CHD5: variants seen among roughly 807,000 people sequenced by gnomAD.
CHD5 encodes the protein chromodomain helicase DNA binding protein 5.
In CHD5, 69 loss-of-function variants were observed where a neutral mutation model predicts 230.3. The ratio of observed to expected loss-of-function variants is 0.30; its 90% CI spans 0.25 to 0.37. The LOEUF (loss-of-function observed/expected upper bound fraction) is 0.37, where lower values mean the gene tolerates loss of function less well. Ranked by LOEUF, CHD5 falls within the 10% of genes least tolerant of loss-of-function variation. The pLI, the probability that CHD5 is intolerant of heterozygous loss-of-function variation, is 1.00. For missense variants in CHD5, 1,827 were observed against 2,622.8 expected, an observed-to-expected ratio of 0.70 and a Z score of 6.63; for synonymous variants, 1,064 against 1,065.9, an observed-to-expected ratio of 1.00 and a Z score of 0.03.
chr1:6,124,450 C>T, intron 30 of CHD5, 67 bp downstream of exon 30: 1 of 1,570,112 alleles, frequency 6.4e-7, no homozygotes, highest in Non-Finnish European at 8.8e-7. Context: ...ACCACTGACC[C>T]ACAAGGGACA....
At chr1:6,157,911 G>A (rs1427904817) in intron 3 of CHD5, among the ~76,000 whole-genome samples, 1 of 152,124 alleles carries the variant, frequency 6.6e-6, no homozygotes, top group African/African-American at 2.4e-5. Context: ...ATCACCCCAG[G>A]TGTCAGGACA....
intron 1 of CHD5, among the ~76,000 whole-genome samples, 170 bp from the exon 2 acceptor site, chr1:6,168,447 G>A (rs1217126889): frequency 6.6e-6 from 1 of 152,196 alleles, no homozygotes; most frequent in Non-Finnish European, 1.5e-5. Context: ...CAGGACAGGA[G>A]CCCCAGCTCT....
chr1:6,129,234 T>G lies in CHD5; in HGVS notation c.3388-165A>C, dbSNP rs1008902178. Among the ~76,000 whole-genome samples the G allele has an allele frequency of 3.9e-5, 6 of 152,090 alleles. No individual in the cohort carries two copies. The highest frequency in any genetic ancestry group is 7.4e-5 in the Non-Finnish European group (5 of 67,978). On this transcript the variant is annotated intron_variant, in intron 22 of 41. Transcript: ENST00000262450. This position sits in a 1 kb window ranked among gnomAD's most constrained non-coding sequence, Gnocchi z 6.8. ...AGCCCACCACTGCAGCTGGGCTCCCTCCCTGACTGCGGAGCCTCCCACAAG... is the reference window on the plus strand; with the variant it reads ...AGCCCACCACTGCAGCTGGGCTCCCGCCCTGACTGCGGAGCCTCCCACAAG...
At position 6,140,706 on chromosome 1, in the gene CHD5, C is replaced by T. The variant is rs558205194; in HGVS notation, c.2436+1422G>A. On this transcript the variant is annotated intron_variant, in intron 15 of 41. Coordinates refer to ENST00000262450, the MANE Select transcript of CHD5 (RefSeq NM_015557.3). ...CTTTTGGAAATAGGGTCTTTGCAGA[C>T]ATAATTAGTTGTCTGGGCATGGTGG... 2.0e-5 allele frequency among the ~76,000 whole-genome samples: 3 copies of T among 152,256 alleles called. No individual in the cohort carries two copies. The East Asian group carries it at 5.8e-4, about 29-fold the overall frequency.
chr1:6,125,233 C>A lies in CHD5; in HGVS notation c.4261G>T (p.Val1421Leu). 1 of 1,601,442 alleles carries A rather than the reference C, an allele frequency of 6.2e-7. No homozygotes were observed. ...LLARVGGNIE[V>L]LGFNARQRKA... The stretch of plus-strand genomic sequence containing the variant: ...CGCTGTCGGGCATTGAAGCCCAGCA[C>A]CTGGGCGAGTGGAGCGTGGGAGTAT... The change falls in exon 29 of 42, where the codon GTG becomes TTG. Residue 1421 changes from valine (V) to leucine (L), a missense_variant and splice_region_variant. Val to Leu is a conservative substitution (Grantham distance 32). Around this residue, in one of 14 missense-constraint regions of CHD5, gnomAD observed 137 missense variants for 272.7 expected, o/e 0.50. Transcript: ENST00000262450. The surrounding 1 kb of genome is among the most constrained non-coding windows in gnomAD (Gnocchi z 6.7).
chr1:6,159,606 G>A lies in CHD5; in HGVS notation c.208-91C>T. 5.8e-6 allele frequency: 6 copies of A among 1,040,510 alleles called. No individual in the cohort carries two copies. In the South Asian group the frequency reaches 5.9e-5, roughly 10 times the overall value. 64.5% of individuals were successfully genotyped at this position (1,040,510 alleles called of 1,614,324 possible). On this transcript the variant is annotated intron_variant, in intron 2 of 41. Coordinates refer to ENST00000262450, the MANE Select transcript of CHD5 (RefSeq NM_015557.3). The stretch of plus-strand genomic sequence containing the variant: ...GGACGGCCCTGAGAGCTACCTCCTG[G>A]CCCACGCTGGGGATCGACCGATCCC...
At chr1:6,165,579 G>C (rs1461544109) in intron 2 of CHD5, among the ~76,000 whole-genome samples, 1 of 152,076 alleles carries the variant, frequency 6.6e-6, no homozygotes, top group African/African-American at 2.4e-5. Context: ...GGTCTGAGGA[G>C]TGAGGGCGGG....
chr1:6,113,903 A>G (rs1666334530), intron 33 of CHD5, among the ~76,000 whole-genome samples: 1 of 152,176 alleles, frequency 6.6e-6, no homozygotes, highest in Non-Finnish European at 1.5e-5. Flanking sequence ...TCCAGAAACA[A>G]AAGGGGAGGG....
rs547533112 is a variant in CHD5, at chr1:6,113,333, A to T, written c.4913-335T>A. 5.3e-4 allele frequency: 235 copies of T among 445,510 alleles called. 1 individual carries two copies. Among genetic ancestry groups the T allele is most frequent in the Non-Finnish European group, 6.9e-4 (154 of 224,342 alleles). The allele number at this position is 445,510 out of a possible 1,614,324, so 27.6% of individuals were successfully genotyped here. On this transcript the variant is annotated intron_variant, in intron 33 of 41. Coordinates refer to ENST00000262450, the MANE Select transcript of CHD5 (RefSeq NM_015557.3). ...CACCTGTTCAGGAAGCTGAGGTGGG[A>T]GGGTCGCTTGAGCCGAGGAGATAAA...
rs1437416058 is a variant in CHD5 at position 6,106,458 on chromosome 1, G to A, written c.5794C>T (p.Arg1932Trp). The change falls in exon 40 of 42, where the codon CGG (arginine) becomes TGG (tryptophan). Residue 1932 changes from arginine (R) to tryptophan (W), a missense_variant. By Grantham distance (101) the Arg-to-Trp change is moderately radical (BLOSUM62 -3). Coordinates refer to ENST00000262450, the MANE Select transcript of CHD5 (RefSeq NM_015557.3). ...ACAATCCCTCCCGGTCCAGGGCCCC[G>A]GAAGTTGGGCCCAAAGTTGTTGCTG... ...MYSNNFGPNF[R>W]GPGPGGIVNY... 1.2e-5 allele frequency: 18 copies of A among 1,562,650 alleles called. No individual in the cohort carries two copies. Among genetic ancestry groups the A allele is most frequent in the Admixed American group, 3.8e-5 (2 of 52,198 alleles).
In CHD5 at chr1:6,155,962, G is replaced by A. The variant is rs940694406; in HGVS notation, c.388-245C>T. On this transcript the variant is annotated intron_variant, in intron 3 of 41. Transcript: ENST00000262450. The surrounding 1 kb of genome is among the most constrained non-coding windows in gnomAD (Gnocchi z 4.0). ...ACGAAGTGCAGGCCAAGTGTTCGAC[G>A]TCAGGGTTTGGGGAGAGGCCATGTG... Among the ~76,000 whole-genome samples the A allele has an allele frequency of 5.3e-5, 8 of 152,230 alleles. No individual in the cohort carries two copies. The East Asian group carries it at 9.6e-4, about 18-fold the overall frequency.
rs201668149 is a variant in CHD5 at position 6,138,321 on chromosome 1, G to A, written c.2437-1456C>T. Among the ~76,000 whole-genome samples, 34 of 149,982 alleles carry A rather than the reference G, an allele frequency of 2.3e-4. 1 individual carries two copies. In the East Asian group the frequency reaches 5.2e-3, roughly 23 times the overall value. ...GAACCCAAAAGGCAGAGGTTGCAGT[G>A]AGCCGAGATCACACCATTGCACTCC... On this transcript the variant is annotated intron_variant, in intron 15 of 41. Transcript: ENST00000262450.
rs912279377 is a variant in CHD5 at position 6,121,788 on chromosome 1, G to A, written c.4700-215C>T. Among the ~76,000 whole-genome samples the A allele has an allele frequency of 5.3e-5, 8 of 152,228 alleles. No homozygotes were observed. The highest frequency in any genetic ancestry group is 1.7e-4 in the African/African-American group (7 of 41,462). On this transcript the variant is annotated intron_variant, in intron 31 of 41. Coordinates refer to ENST00000262450, the MANE Select transcript of CHD5 (RefSeq NM_015557.3). The surrounding 1 kb of genome is among the most constrained non-coding windows in gnomAD (Gnocchi z 4.5). ...GAGTGCTTGGAGGACCTTGAACCCA[G>A]TAAGACCAAAGTGAGGGGCTGTCAG...
chr1:6,106,512 G>A lies in CHD5; in HGVS notation c.5743-3C>T, dbSNP rs2100825657. On this transcript the variant is annotated splice_polypyrimidine_tract_variant and splice_region_variant and intron_variant, in intron 39 of 41. Coordinates refer to ENST00000262450, the MANE Select transcript of CHD5 (RefSeq NM_015557.3). The stretch of plus-strand genomic sequence containing the variant: ...ATCTGGGAGGAGCCGAAAGCGCCCT[G>A]GAGGCAAGGACTCAGCTTCACAGGT... The A allele has an allele frequency of 3.9e-6, 6 of 1,551,358 alleles. No homozygotes were observed. In the East Asian group the frequency reaches 1.2e-4, roughly 32 times the overall value.
Position 6,126,710 on chromosome 1 carries a change from TCTC to T in CHD5, c.3937_3939del (p.Glu1313del). 6.2e-7 allele frequency: 1 copy of T among 1,613,718 alleles called. No individual in the cohort carries two copies. Among genetic ancestry groups the T allele is most frequent in the African/African-American group, 1.3e-5 (1 of 74,892 alleles). The stretch of plus-strand genomic sequence containing the variant: ...TTCTCCCAGTAGTCGGGGTCCACGT[TCTC>T]CTCCTGCTTGATGATTTCCCGCTCC... On this transcript the variant is annotated inframe_deletion, in exon 26 of 42. Coordinates refer to ENST00000262450, the MANE Select transcript of CHD5 (RefSeq NM_015557.3). This position sits in a 1 kb window ranked among gnomAD's most constrained non-coding sequence, Gnocchi z 5.7.
rs1667059755 is a variant in CHD5 at position 6,155,022 on chromosome 1, T to C, written c.507-124A>G. On this transcript the variant is annotated intron_variant, in intron 4 of 41. Transcript: ENST00000262450. The surrounding 1 kb of genome is among the most constrained non-coding windows in gnomAD (Gnocchi z 4.0). Reference sequence around the variant, plus strand: ...TATGGCAGCAGCCCCAGGTTCCTGATTAGAGAGATTAGGCGGGAAACCCAC... The same window carrying C: ...TATGGCAGCAGCCCCAGGTTCCTGACTAGAGAGATTAGGCGGGAAACCCAC... 2.3e-6 allele frequency: 2 copies of C among 866,522 alleles called. No individual in the cohort carries two copies. Among genetic ancestry groups the C allele is most frequent in the Admixed American group, 2.8e-5 (1 of 36,310 alleles). The allele number at this position is 866,522 out of a possible 1,614,324, so 53.7% of individuals were successfully genotyped here.
intron 9 of CHD5, among the ~76,000 whole-genome samples, chr1:6,148,622 T>C (rs1666947627): frequency 6.6e-6 from 1 of 152,212 alleles, no homozygotes; most frequent in African/African-American, 2.4e-5. Context: ...TGCCTTTCCC[T>C]AACACTCATG....
At position 6,146,995 on chromosome 1, in the gene CHD5, G is replaced by T; in HGVS notation, c.1384-124C>A. 2 of 724,330 alleles carry T rather than the reference G, an allele frequency of 2.8e-6. No individual in the cohort carries two copies. Among genetic ancestry groups the T allele is most frequent in the Non-Finnish European group, 2.2e-6 (1 of 458,202 alleles). 44.9% of individuals were successfully genotyped at this position (724,330 alleles called of 1,614,324 possible). On this transcript the variant is annotated intron_variant, in intron 9 of 41. Transcript: ENST00000262450. This position sits in a 1 kb window ranked among gnomAD's most constrained non-coding sequence, Gnocchi z 5.1. ...GTGCCACTGCCCCCAAGTCAGAACA[G>T]TACCACGGTGACGCCATGACATCCA...
At position 6,146,779 on chromosome 1, in the gene CHD5, G is replaced by A. The variant is rs371695168; in HGVS notation, c.1476C>T (p.Asp492=). Residue 492 remains aspartate, a synonymous_variant, in exon 10 of 42, where the codon GAC becomes GAT. Transcript: ENST00000262450. This position sits in a 1 kb window ranked among gnomAD's most constrained non-coding sequence, Gnocchi z 5.1. ...TAGGTGGAGGGAGGCTGGGCTCCAC[G>A]TCAGGCCCCGGCAGCCCCACCATGA... ...APFMVGLPGP[D]VEPSLPPPKP... is the part of the protein sequence containing the mutation. 7.7e-5 allele frequency: 124 copies of A among 1,600,908 alleles called. No homozygotes were observed. Among genetic ancestry groups the A allele is most frequent in the African/African-American group, 1.2e-4 (9 of 74,726 alleles).
Sources: gnomAD v4.1 joint callset for allele counts (sites outside exome capture counted in the v4.1 genomes callset) on GRCh38, gnomAD v4.1.1 for gene constraint, gnomAD v4.1.1 regional missense constraint, Gnocchi (gnomAD v3.1) non-coding constraint, MANE v1.5 for transcripts, NCBI Gene and HGNC (gene_info 2026-07-23, HGNC 2026-07-21) for gene names.